The following ST6GALNAC3 variants were observed in gnomAD, a reference collection of about 807,000 sequenced individuals.
ST6GALNAC3 encodes alpha-N-acetylgalactosaminide alpha-2,6-sialyltransferase 3.
A neutral mutation model predicts 32.7 loss-of-function variants in ST6GALNAC3; 25 were observed. The ratio of observed to expected loss-of-function variants is 0.76; its 90% confidence interval spans 0.56 to 1.07. The LOEUF (loss-of-function observed/expected upper bound fraction) is 1.07. Among genes scored for constraint, ST6GALNAC3 ranks in the 50% least tolerant of loss-of-function variants. The pLI, the probability that ST6GALNAC3 is intolerant of heterozygous loss-of-function variation, is 0.00. For synonymous variants in ST6GALNAC3, 129 were observed against 133.1 expected (o/e 0.97, Z 0.21); for missense variants, 355 against 382.4 (o/e 0.93, Z 0.60).
chr1:76,089,456 C>T (rs192103865), intron 1 of ST6GALNAC3, among the ~76,000 whole-genome samples: 259 of 152,208 alleles, frequency 1.7e-3, no homozygotes, highest in Middle Eastern at 0.014. Flanking sequence ...TGATTGCACA[C>T]GGGTAATTTC....
intron 2 of ST6GALNAC3, among the ~76,000 whole-genome samples, chr1:76,323,880 G>A (rs549599849): frequency 1.3e-5 from 2 of 150,424 alleles, no homozygotes; most frequent in East Asian, 2.0e-4. Flanking sequence ...TTTTTTTTGA[G>A]ATGGAGTCTC....
At chr1:76,433,032 T>G (rs1426038126) in intron 3 of ST6GALNAC3, among the ~76,000 whole-genome samples, 1 of 152,098 alleles carries the variant, frequency 6.6e-6, no homozygotes, top group Admixed American at 6.5e-5. Context: ...CTCTGTCTTT[T>G]CTCTCCTCTT....
intron 1 of ST6GALNAC3, among the ~76,000 whole-genome samples, chr1:76,184,519 G>GCGCGCGCA (rs1335590722): frequency 6.0e-5 from 8 of 134,176 alleles, no homozygotes; most frequent in African/African-American, 2.3e-4. Flanking sequence ...CTCCTGGGCA[G>GCGCGCGCA]CACACACACA....
At chr1:76,356,941 A>G (rs72675993) in intron 2 of ST6GALNAC3, among the ~76,000 whole-genome samples, 3,964 of 152,184 alleles carry the variant, frequency 0.026, 91 homozygotes, top group South Asian at 0.082. Flanking sequence ...TCAAAGAGGC[A>G]TGTCCACAAT....
intron 1 of ST6GALNAC3, among the ~76,000 whole-genome samples, chr1:76,243,566 T>G (rs1657086387): frequency 6.6e-6 from 1 of 152,242 alleles, no homozygotes; most frequent in Non-Finnish European, 1.5e-5. Flanking sequence ...GGTTTTCTTC[T>G]AGGTTTTTTA....
intron 3 of ST6GALNAC3, among the ~76,000 whole-genome samples, chr1:76,533,641 C>A (rs1272603047): frequency 6.6e-6 from 1 of 152,138 alleles, no homozygotes; most frequent in African/African-American, 2.4e-5. Flanking sequence ...CAGGTCTCTG[C>A]CCTCTCATCC....
chr1:76,369,861 G>A (rs1177621532), intron 2 of ST6GALNAC3, among the ~76,000 whole-genome samples: 7 of 152,164 alleles, frequency 4.6e-5, no homozygotes, highest in African/African-American at 1.4e-4. Flanking sequence ...GATATTCTGA[G>A]CCTTGAAAAT....
At chr1:76,305,000 A>T (rs1422690869) in intron 1 of ST6GALNAC3, among the ~76,000 whole-genome samples, 2 of 152,008 alleles carry the variant, frequency 1.3e-5, no homozygotes, top group Non-Finnish European at 2.9e-5. Flanking sequence ...ACCTGTTCCG[A>T]TTACCTTCAT....
At position 76,412,249 on chromosome 1, in the gene ST6GALNAC3, A is replaced by C. The variant is rs1654300765; in HGVS notation, c.455A>C (p.Tyr152Ser). 1.2e-6 allele frequency: 2 copies of C among 1,613,780 alleles called. No homozygotes were observed. Among genetic ancestry groups the C allele is most frequent in the East Asian group, 4.5e-5 (2 of 44,856 alleles). The change falls in exon 3 of 5, where the codon TAT becomes TCT. Residue 152 changes from tyrosine to serine, a missense_variant. Physicochemically the swap from Tyr to Ser is moderately radical, Grantham distance 144 (BLOSUM62 -2). Coordinates refer to ENST00000328299, the MANE Select transcript of ST6GALNAC3 (RefSeq NM_152996.4). ...TTCAAGGAAGCGAATACTACTATTT[A>C]TGTTATTTGGGGACCTTTCCGCAAT... is the stretch of plus-strand genomic sequence containing the variant. ...YFFKEANTTI[Y>S]VIWGPFRNMR...
chr1:76,291,958 A>G (rs1458299716), intron 1 of ST6GALNAC3, among the ~76,000 whole-genome samples: 1 of 152,238 alleles, frequency 6.6e-6, no homozygotes, highest in Non-Finnish European at 1.5e-5. Flanking sequence ...TGGACAACTC[A>G]TCTCATTAAT....
Position 76,412,119 on chromosome 1 carries a change from A to G in ST6GALNAC3, c.325A>G (p.Asn109Asp). The change falls in exon 3 of 5, where the codon AAT (asparagine) becomes GAT (aspartate). Residue 109 changes from asparagine (N) to aspartate (D), a missense_variant. Transcript: ENST00000328299. The stretch of plus-strand genomic sequence containing the variant: ...ATCCTCCTGCATTTGGAGAATGAAC[A>G]ATGCCCCCACCAAAGGTTATGAAGA... ...DRSSCIWRMN[N>D]APTKGYEEDV... The G allele has an allele frequency of 6.2e-7, 1 of 1,613,732 alleles. No homozygotes were observed. The highest frequency in any genetic ancestry group is 1.3e-5 in the African/African-American group (1 of 74,998).
chr1:76,426,032 A>G (rs939421106), intron 3 of ST6GALNAC3, among the ~76,000 whole-genome samples: 2 of 151,890 alleles, frequency 1.3e-5, no homozygotes, highest in Non-Finnish European at 2.9e-5. Flanking sequence ...TCTATAACTC[A>G]GGATTTCTGG....
At chr1:76,635,226 T>C (rs1328511297), downstream of ST6GALNAC3, among the ~76,000 whole-genome samples, 2 of 152,168 alleles carry the variant, frequency 1.3e-5, no homozygotes, top group Non-Finnish European at 2.9e-5. Context: ...TCTTATTTTC[T>C]TTCTGCAAAT....
At chr1:76,540,657 G>A (rs940977433) in intron 3 of ST6GALNAC3, among the ~76,000 whole-genome samples, 5 of 151,988 alleles carry the variant, frequency 3.3e-5, no homozygotes, top group African/African-American at 9.7e-5. Flanking sequence ...TTCTTATATG[G>A]TATAAATTGT....
intron 3 of ST6GALNAC3, among the ~76,000 whole-genome samples, chr1:76,484,297 A>G (rs1471004538): frequency 6.6e-6 from 1 of 152,192 alleles, no homozygotes; most frequent in Non-Finnish European, 1.5e-5. Context: ...CATTGAATCT[A>G]TAAATTACCT....
At chr1:76,180,072 C>T (rs939172013) in intron 1 of ST6GALNAC3, among the ~76,000 whole-genome samples, 1 of 152,192 alleles carries the variant, frequency 6.6e-6, no homozygotes, top group Admixed American at 6.5e-5. Flanking sequence ...AAAGTGCTAA[C>T]AAATACTTTA....
At chr1:76,372,243 G>A (rs989063253) in intron 2 of ST6GALNAC3, among the ~76,000 whole-genome samples, 3 of 151,878 alleles carry the variant, frequency 2.0e-5, no homozygotes, top group Admixed American at 2.0e-4. Context: ...ACTGAAACTG[G>A]GTGTGTAGTC....
chr1:76,282,297 G>A (rs1659542970), intron 1 of ST6GALNAC3, among the ~76,000 whole-genome samples: 1 of 152,020 alleles, frequency 6.6e-6, no homozygotes, highest in Admixed American at 6.5e-5. Flanking sequence ...ACCCATGTGT[G>A]TATGTGTATT....
At chr1:76,635,447 A>C (rs77200411), downstream of ST6GALNAC3, among the ~76,000 whole-genome samples, 1,693 of 152,296 alleles carry the variant, frequency 0.011, 21 homozygotes, top group East Asian at 0.033. Flanking sequence ...TATGAGGTAC[A>C]TAATGTTACT....
Sources: allele counts gnomAD v4.1 joint callset (sites outside exome capture counted in the v4.1 genomes callset), GRCh38; gene constraint gnomAD v4.1.1; transcripts MANE v1.5; gene names NCBI Gene and HGNC (gene_info 2026-07-23, HGNC 2026-07-21).